PIK3AP1: variants seen among roughly 807,000 people sequenced by gnomAD.
The protein encoded by PIK3AP1 is phosphoinositide-3-kinase adaptor protein 1.
In PIK3AP1, 21 loss-of-function variants were observed where a neutral mutation model predicts 88.1. The ratio of observed to expected loss-of-function variants is 0.24; its 90% CI spans 0.17 to 0.34. The LOEUF (loss-of-function observed/expected upper bound fraction) is 0.34. Ranked by LOEUF, PIK3AP1 falls within the 10% of genes least tolerant of loss-of-function variation. The pLI, the probability that PIK3AP1 is intolerant of heterozygous loss-of-function variation, is 1.00. For missense variants in PIK3AP1, 828 were observed against 1,035.7 expected (o/e 0.80, Z 2.75); for synonymous variants, 398 against 400.0 (o/e 1.00, Z 0.06).
At chr10:96,719,319 C>T (rs998322708) in intron 1 of PIK3AP1, among the ~76,000 whole-genome samples, 7 of 152,296 alleles carry the variant, frequency 4.6e-5, no homozygotes, top group African/African-American at 1.7e-4. Flanking sequence ...AGTGTTTGCT[C>T]ACCTCCTGTA....
chr10:96,612,946 GTGTGTATATA>G (rs1291373040), intron 13 of PIK3AP1, among the ~76,000 whole-genome samples: 180 of 42,036 alleles, frequency 4.3e-3, no homozygotes, highest in Non-Finnish European at 5.7e-3. Flanking sequence ...AATTGTGTGT[GTGTGTATATA>G]TATATATATA....
chr10:96,656,075 C>T (rs1843610994), intron 3 of PIK3AP1, among the ~76,000 whole-genome samples: 1 of 152,194 alleles, frequency 6.6e-6, no homozygotes, highest in Admixed American at 6.5e-5. Context: ...CGCTGTCTCG[C>T]CTCAAGGAGC....
At chr10:96,595,856 A>G (rs1379370685) in intron 16 of PIK3AP1, among the ~76,000 whole-genome samples, 9 of 152,156 alleles carry the variant, frequency 5.9e-5, no homozygotes. Context: ...TACCAATTCC[A>G]AGGATCCATC....
chr10:96,698,800 A>C (rs1243789127), intron 2 of PIK3AP1, among the ~76,000 whole-genome samples: 1 of 152,218 alleles, frequency 6.6e-6, no homozygotes, highest in Non-Finnish European at 1.5e-5. Context: ...AGCACCTGGC[A>C]GATGCTCATT....
At position 96,645,621 on chromosome 10, in the gene PIK3AP1, C is replaced by G. The variant is rs2134228418; in HGVS notation, c.1227G>C (p.Leu409=). The change falls in exon 8 of 17, where the codon CTG becomes CTC. Residue 409 remains leucine, a synonymous_variant. Coordinates refer to ENST00000339364, the MANE Select transcript of PIK3AP1 (RefSeq NM_152309.3). ...CAGCATCAGCCTCCTCCCCGTGCAT[C>G]AGTTCCTCTTTAATGTGACTCTTGA... The part of the protein sequence containing the change: ...DMLKSHIKEE[L]MHGEEADAVY... 1 of 1,610,822 alleles carries G rather than the reference C, an allele frequency of 6.2e-7. No homozygotes were observed. The highest frequency in any genetic ancestry group is 8.5e-7 in the Non-Finnish European group (1 of 1,178,532).
chr10:96,643,440 C>T (rs1266797107), intron 8 of PIK3AP1, among the ~76,000 whole-genome samples: 2 of 152,158 alleles, frequency 1.3e-5, no homozygotes, highest in Non-Finnish European at 2.9e-5. Context: ...GGGTAGCTTT[C>T]GGACTTCAGG....
At chr10:96,662,664 A>T (rs1464171891) in intron 2 of PIK3AP1, among the ~76,000 whole-genome samples, 3 of 150,962 alleles carry the variant, frequency 2.0e-5, no homozygotes, top group South Asian at 2.1e-4. Flanking sequence ...GTGGATCATG[A>T]GGTCAGGAGA....
chr10:96,666,790 G>C (rs1843769280), intron 2 of PIK3AP1, among the ~76,000 whole-genome samples: 1 of 151,884 alleles, frequency 6.6e-6, no homozygotes, highest in African/African-American at 2.4e-5. Flanking sequence ...CCATTTTATA[G>C]ATGAAAATCC....
At position 96,595,539 on chromosome 10, in the gene PIK3AP1, C is replaced by T. The variant is rs1469789246; in HGVS notation, c.*38G>A. ...CATTAACAGGCTGAAGACTGTGAGTCTTAAAGTCCTGAAGTAGGCAGGTTT... is the reference window on the plus strand; with the variant it reads ...CATTAACAGGCTGAAGACTGTGAGTTTTAAAGTCCTGAAGTAGGCAGGTTT... On this transcript the variant is annotated 3_prime_UTR_variant, in exon 17 of 17. Coordinates refer to ENST00000339364, the MANE Select transcript of PIK3AP1 (RefSeq NM_152309.3). 7 of 1,590,242 alleles carry T rather than the reference C, an allele frequency of 4.4e-6. No homozygotes were observed. Among genetic ancestry groups the T allele is most frequent in the South Asian group, 1.1e-5 (1 of 90,172 alleles).
In PIK3AP1 at chr10:96,695,361, A is replaced by G. The variant is rs774808812; in HGVS notation, c.430+14206T>C. ...GCTAGTTATGATGAACGTCCTTCCT[A>G]TCTTATTGCAAGCTTTAACTGCAAC... On this transcript the variant is annotated intron_variant, in intron 2 of 16. Coordinates refer to ENST00000339364, the MANE Select transcript of PIK3AP1 (RefSeq NM_152309.3). 2.6e-5 allele frequency among the ~76,000 whole-genome samples: 4 copies of G among 152,336 alleles called. No individual in the cohort carries two copies. The East Asian group carries it at 7.7e-4, about 29-fold the overall frequency.
chr10:96,698,373 G>A (rs1338227688), intron 2 of PIK3AP1, among the ~76,000 whole-genome samples: 2 of 152,050 alleles, frequency 1.3e-5, no homozygotes, highest in Admixed American at 6.6e-5. Flanking sequence ...AAAATAGGCC[G>A]GACGCTGTGG....
At chr10:96,638,032 T>C (rs1589505341) in intron 8 of PIK3AP1, among the ~76,000 whole-genome samples, 1 of 152,236 alleles carries the variant, frequency 6.6e-6, no homozygotes, top group South Asian at 2.1e-4. Context: ...GAGTTGATGC[T>C]GGAACGAGTT....
At chr10:96,628,521 T>G in intron 8 of PIK3AP1, 28 bp from the exon 9 acceptor site, 1 of 1,539,342 alleles carries the variant, frequency 6.5e-7, no homozygotes. Context: ...CTAAGAGTTA[T>G]ATATTGGTCT....
chr10:96,707,233 C>T (rs1436765150), intron 2 of PIK3AP1, among the ~76,000 whole-genome samples: 1 of 152,156 alleles, frequency 6.6e-6, no homozygotes, highest in African/African-American at 2.4e-5. Flanking sequence ...TGGACACATC[C>T]AAACAATATT....
chr10:96,641,736 T>C (rs1843392214), intron 8 of PIK3AP1, among the ~76,000 whole-genome samples: 1 of 152,166 alleles, frequency 6.6e-6, no homozygotes, highest in South Asian at 2.1e-4. Flanking sequence ...TTACTAAATC[T>C]TGGAGCCTTA....
intron 12 of PIK3AP1, among the ~76,000 whole-genome samples, chr10:96,618,377 T>C (rs1843027803): frequency 6.6e-6 from 1 of 152,190 alleles, no homozygotes; most frequent in Non-Finnish European, 1.5e-5. Context: ...ACATACAGGA[T>C]GATGGTAATG....
At chr10:96,614,650 T>C (rs1278335229) in intron 13 of PIK3AP1, among the ~76,000 whole-genome samples, 2 of 151,996 alleles carry the variant, frequency 1.3e-5, no homozygotes, top group Non-Finnish European at 2.9e-5. Flanking sequence ...AAGCCAGACC[T>C]GTGTGAATAC....
At chr10:96,610,528 A>G (rs1347372989) in intron 13 of PIK3AP1, among the ~76,000 whole-genome samples, 1 of 145,220 alleles carries the variant, frequency 6.9e-6, no homozygotes, top group African/African-American at 2.5e-5. Flanking sequence ...TGCACAAGGA[A>G]CGGATGGTGG....
chr10:96,690,767 T>C (rs369795146), intron 2 of PIK3AP1, among the ~76,000 whole-genome samples: 16 of 152,310 alleles, frequency 1.1e-4, no homozygotes, highest in African/African-American at 3.8e-4. Flanking sequence ...GGACCAATCA[T>C]AGTCCTCTAA....
Sources: allele counts gnomAD v4.1 joint callset (sites outside exome capture counted in the v4.1 genomes callset), GRCh38; gene constraint gnomAD v4.1.1; transcripts MANE v1.5; gene names NCBI Gene and HGNC (gene_info 2026-07-23, HGNC 2026-07-21).